The following SUGCT variants were observed in gnomAD, a reference collection of about 807,000 sequenced individuals.
SUGCT encodes the protein succinyl-CoA:glutarate-CoA transferase.
SUGCT carries 41 observed loss-of-function variants against 55.0 expected under a neutral mutation model. The ratio of observed to expected loss-of-function variants is 0.74; its 90% CI spans 0.58 to 0.97. SUGCT has a LOEUF of 0.97. Among genes scored for constraint, SUGCT ranks in the 50% least tolerant of loss-of-function variants. The pLI is 0.00. For missense variants in SUGCT, 568 were observed against 547.8 expected (o/e 1.04, Z -0.37); for synonymous variants, 187 against 200.4 (o/e 0.93, Z 0.56).
At chr7:40,828,262 C>T (rs1386951293) in intron 13 of SUGCT, among the ~76,000 whole-genome samples, 1 of 152,152 alleles carries the variant, frequency 6.6e-6, no homozygotes, top group East Asian at 1.9e-4. Flanking sequence ...CCTCTATCCC[C>T]AACCCATGGG....
At chr7:40,840,794 A>G (rs1793238194) in intron 13 of SUGCT, among the ~76,000 whole-genome samples, 1 of 118,354 alleles carries the variant, frequency 8.4e-6, no homozygotes, top group African/African-American at 3.4e-5. Context: ...AATAATATTG[A>G]TAAACTCCTG....
the SUGCT span, among the ~76,000 whole-genome samples, chr7:40,950,459 G>C: frequency 2.0e-5 from 3 of 152,074 alleles, no homozygotes; most frequent in Middle Eastern, 3.2e-3. Context: ...TCTTTCTCCT[G>C]CCTGATTACC....
At chr7:40,826,649 C>T (rs1490572407) in intron 13 of SUGCT, among the ~76,000 whole-genome samples, 1 of 152,168 alleles carries the variant, frequency 6.6e-6, no homozygotes, top group Admixed American at 6.5e-5. Context: ...CAAAGAGTGA[C>T]CATTTAAACA....
At chr7:40,348,453 C>T (rs1227140927) in intron 9 of SUGCT, among the ~76,000 whole-genome samples, 1 of 152,112 alleles carries the variant, frequency 6.6e-6, no homozygotes, top group Admixed American at 6.5e-5. Flanking sequence ...CCAGTCCTTC[C>T]TAGGGTCAGA....
intron 9 of SUGCT, among the ~76,000 whole-genome samples, chr7:40,431,723 G>A (rs2151387882): frequency 6.6e-6 from 1 of 152,062 alleles, no homozygotes; most frequent in South Asian, 2.1e-4. Context: ...CTCTTTAAAG[G>A]TCAGTTTGTA....
intron 8 of SUGCT, among the ~76,000 whole-genome samples, chr7:40,304,358 C>A (rs1000783112): frequency 6.6e-6 from 1 of 151,868 alleles, no homozygotes; most frequent in Non-Finnish European, 1.5e-5. Flanking sequence ...ACCCCATTTA[C>A]AACAGACTCA....
intron 13 of SUGCT, among the ~76,000 whole-genome samples, chr7:40,833,805 C>T (rs1792821352): frequency 6.6e-6 from 1 of 152,182 alleles, no homozygotes; most frequent in Non-Finnish European, 1.5e-5. Context: ...TCTCCTCTCC[C>T]ACAGCAAGTT....
chr7:40,890,184 ATTAT>A, the SUGCT span, among the ~76,000 whole-genome samples: 1 of 146,140 alleles, frequency 6.8e-6, no homozygotes, highest in Non-Finnish European at 1.5e-5. Context: ...TTGAATTTAT[ATTAT>A]TTATTATATA....
chr7:40,557,012 T>A (rs754108311), intron 12 of SUGCT, among the ~76,000 whole-genome samples: 2 of 152,174 alleles, frequency 1.3e-5, no homozygotes, highest in Admixed American at 6.5e-5. Flanking sequence ...AAACCCATCT[T>A]GAAGTGACCT....
At chr7:40,680,815 G>A (rs1011516796) in intron 12 of SUGCT, among the ~76,000 whole-genome samples, 2 of 152,144 alleles carry the variant, frequency 1.3e-5, no homozygotes, top group African/African-American at 2.4e-5. Flanking sequence ...TCTACCTGGG[G>A]TTGGCAGTCT....
At chr7:41,019,717 G>C in the SUGCT span, among the ~76,000 whole-genome samples, 3 of 152,178 alleles carry the variant, frequency 2.0e-5, no homozygotes, top group East Asian at 5.8e-4. Context: ...TGTAATTCGG[G>C]TTGACTCGGC....
rs1358400330 is a variant in SUGCT, at chr7:40,312,857, C to T, written c.721-3903C>T. Reference sequence around the variant, plus strand: ...GCAAGGGAAGTGGGGGAAAATGACCCGTTTTGATGCAGTGAACCATGGTTC... The same window carrying T: ...GCAAGGGAAGTGGGGGAAAATGACCTGTTTTGATGCAGTGAACCATGGTTC... On this transcript the variant is annotated intron_variant, in intron 8 of 13. Coordinates refer to ENST00000335693, the MANE Select transcript of SUGCT (RefSeq NM_001193313.2). 3.3e-5 allele frequency among the ~76,000 whole-genome samples: 5 copies of T among 152,174 alleles called. No homozygotes were observed. The East Asian group carries it at 7.7e-4, about 24-fold the overall frequency.
intron 6 of SUGCT, among the ~76,000 whole-genome samples, chr7:40,227,730 T>TC (rs1788463927): frequency 6.6e-6 from 1 of 152,078 alleles, no homozygotes; most frequent in Admixed American, 6.5e-5. Context: ...AGGAAAGGAC[T>TC]CTTTTTTTAA....
At chr7:40,360,949 G>A (rs1209575777) in intron 9 of SUGCT, among the ~76,000 whole-genome samples, 1 of 152,162 alleles carries the variant, frequency 6.6e-6, no homozygotes, top group Admixed American at 6.5e-5. Flanking sequence ...TGGCTATGGG[G>A]ATGAAGAGAC....
chr7:41,004,722 T>C, the SUGCT span, among the ~76,000 whole-genome samples: 5 of 152,264 alleles, frequency 3.3e-5, no homozygotes, highest in East Asian at 7.7e-4. Flanking sequence ...GTGTTTTGAA[T>C]TAAGAACCAA....
the SUGCT span, among the ~76,000 whole-genome samples, chr7:40,945,848 A>G: frequency 2.4e-4 from 36 of 152,218 alleles, 1 homozygote; most frequent in Admixed American, 1.9e-3. Flanking sequence ...ACTACACTCC[A>G]GGCTGGTGAT....
rs1283539157 is a variant in SUGCT, at chr7:40,439,064, G to GTGTATATATATATATATATATA, written c.817-10222_817-10221insGTATATATATATATATATATAT. Among the ~76,000 whole-genome samples the GTGTATATATATATATATATATA allele has an allele frequency of 7.4e-5, 2 of 27,194 alleles. 1 individual carries two copies. The highest frequency in any genetic ancestry group is 1.4e-4 in the Non-Finnish European group (2 of 14,506). 17.8% of individuals were successfully genotyped at this position (27,194 alleles called of 152,430 possible). A position where few individuals can be genotyped will look rare whatever the true frequency, so the allele number is the denominator to read the frequency against. ...TATATATATATGGTATATATATGGT[G>GTGTATATATATATATATATATA]TATATATATATATATATATATATAT... On this transcript the variant is annotated intron_variant, in intron 9 of 13. Transcript: ENST00000335693.
chr7:40,500,083 G>A (rs1355415124), intron 12 of SUGCT, among the ~76,000 whole-genome samples: 4 of 152,144 alleles, frequency 2.6e-5, no homozygotes, highest in Non-Finnish European at 5.9e-5. Flanking sequence ...GTGCCATTCT[G>A]CTTTCAGGCT....
At chr7:40,496,964 G>A (rs938860461) in intron 12 of SUGCT, among the ~76,000 whole-genome samples, 23 of 151,956 alleles carry the variant, frequency 1.5e-4, no homozygotes, top group Admixed American at 1.5e-3. Flanking sequence ...CTCCTTTTTG[G>A]GCTCCAGGAA....
Sources: gnomAD v4.1 joint callset for allele counts (sites outside exome capture counted in the v4.1 genomes callset) on GRCh38, gnomAD v4.1.1 for gene constraint, MANE v1.5 for transcripts, NCBI Gene and HGNC (gene_info 2026-07-23, HGNC 2026-07-21) for gene names.